Variants in PDE4A observed in about 807,000 individuals in gnomAD.
PDE4A encodes the protein phosphodiesterase 4A.
Under a neutral mutation model 73.9 loss-of-function variants are expected in PDE4A, and 21 were observed. The ratio of observed to expected loss-of-function variants is 0.28; its 90% CI spans 0.20 to 0.41. The LOEUF (loss-of-function observed/expected upper bound fraction) is 0.41. PDE4A is among the 10% of genes least tolerant of loss of function. The pLI, the probability that PDE4A is intolerant of heterozygous loss-of-function variation, is 1.00. For synonymous variants in PDE4A, 463 were observed against 505.4 expected (o/e 0.92, Z 1.13); for missense variants, 958 against 1,211.4 (o/e 0.79, Z 3.10).
chr19:10,461,436 G>A, intron 11 of PDE4A, 90 bp from the exon 12 acceptor site: 1 of 1,559,026 alleles, frequency 6.4e-7, no homozygotes, highest in Admixed American at 1.8e-5. Flanking sequence ...CCGGGCTGGG[G>A]AGGGGTTAGC....
chr19:10,421,692 T>A (rs946300889), intron 1 of PDE4A, among the ~76,000 whole-genome samples: 1 of 151,250 alleles, frequency 6.6e-6, no homozygotes, highest in Non-Finnish European at 1.5e-5. Flanking sequence ...AGGGCAAGAG[T>A]GTTAGCGTTA....
chr19:10,420,645 A>G lies in PDE4A; in HGVS notation c.-120A>G. ...CCCCCGGGTCTGTCCCCGGGGCGCC[A>G]TGGCCCTACCGCGGCCGGGCGCACC... On this transcript the variant is annotated 5_prime_UTR_variant, in exon 1 of 15. An upstream start codon of the reference 5' UTR is lost. Transcript: ENST00000380702. This position sits in a 1 kb window ranked among gnomAD's most constrained non-coding sequence, Gnocchi z 6.0. 5.9e-6 allele frequency: 8 copies of G among 1,356,518 alleles called. No homozygotes were observed. Among genetic ancestry groups the G allele is most frequent in the Non-Finnish European group, 7.5e-6 (8 of 1,062,404 alleles). 84.0% of individuals were successfully genotyped at this position (1,356,518 alleles called of 1,614,324 possible).
Position 10,453,139 on chromosome 19 carries a change from C to A in PDE4A, c.784-1690C>A. ...CCCAGCCCTGCTGGGCCGGCCCAGG[C>A]CCCTCCGCGGCTCCCCCTTCCACTA... is the stretch of plus-strand genomic sequence containing the variant. On this transcript the variant is annotated intron_variant, in intron 6 of 14. Coordinates refer to ENST00000380702, the MANE Select transcript of PDE4A (RefSeq NM_001111307.2). This position sits in a 1 kb window ranked among gnomAD's most constrained non-coding sequence, Gnocchi z 4.6. 1 of 1,424,230 alleles carries A rather than the reference C, an allele frequency of 7.0e-7. No individual in the cohort carries two copies. Among genetic ancestry groups the A allele is most frequent in the South Asian group, 1.5e-5 (1 of 66,712 alleles). The allele number at this position is 1,424,230 out of a possible 1,614,324, so 88.2% of individuals were successfully genotyped here. A position where few individuals can be genotyped will look rare whatever the true frequency, so the allele number is the denominator to read the frequency against.
At chr19:10,423,343 G>C (rs573365595) in intron 1 of PDE4A, among the ~76,000 whole-genome samples, 13 of 152,014 alleles carry the variant, frequency 8.6e-5, no homozygotes, top group South Asian at 4.2e-4. Context: ...ATTTTTAGTA[G>C]AGATGGGGTT....
chr19:10,429,271 GAAGGAAGGAAGA>G (rs2042757187), intron 1 of PDE4A, among the ~76,000 whole-genome samples: 3 of 122,808 alleles, frequency 2.4e-5, no homozygotes, highest in African/African-American at 1.0e-4. Context: ...AGGAAAGAAG[GAAGGAAGGAAGA>G]AAGAAAGAAA....
At chr19:10,418,968 G>T (rs974783112), upstream of PDE4A, 1 of 985,160 alleles carries the variant, frequency 1.0e-6, no homozygotes. Context: ...CTGCTGATGG[G>T]GGGGCCGGTT....
intron 13 of PDE4A, among the ~76,000 whole-genome samples, chr19:10,463,122 G>T (rs1281692893): frequency 1.3e-5 from 2 of 150,106 alleles, no homozygotes; most frequent in Non-Finnish European, 3.0e-5. Flanking sequence ...TTTGAGATCG[G>T]GTCTCTCTGT....
rs201070412 is a variant in PDE4A at position 10,449,137 on chromosome 19, G to A, written c.607G>A (p.Val203Ile). The stretch of plus-strand genomic sequence containing the variant: ...CTTCTCACTCCTGACCAATGTGCCC[G>A]TTCCCAGTAACAAGTAAGTGAAGGC... Reference protein sequence around the residue: ...SNFSLLTNVPVPSNKRSPLGG... With the variant: ...SNFSLLTNVPIPSNKRSPLGG... The change falls in exon 4 of 15, where the codon GTT becomes ATT. Residue 203 changes from valine to isoleucine, a missense_variant. This residue lies in a region of PDE4A where 570 missense variants were observed against 827.7 expected (regional missense o/e 0.69). Coordinates refer to ENST00000380702, the MANE Select transcript of PDE4A (RefSeq NM_001111307.2). 1.2e-4 allele frequency: 189 copies of A among 1,613,302 alleles called. No individual in the cohort carries two copies. The highest frequency in any genetic ancestry group is 1.5e-4 in the Non-Finnish European group (177 of 1,179,728).
chr19:10,435,983 C>T (rs2042860292), intron 1 of PDE4A, among the ~76,000 whole-genome samples: 1 of 152,170 alleles, frequency 6.6e-6, no homozygotes, highest in South Asian at 2.1e-4. Context: ...CAGGGAGTGT[C>T]CTCTTCCCAT....
In PDE4A at chr19:10,461,646, A is replaced by C. The variant is rs1404544737; in HGVS notation, c.1586A>C (p.Gln529Pro). Residue 529 changes from glutamine (Q) to proline (P), a missense_variant, in exon 12 of 15, where the codon CAG becomes CCG. Gln to Pro is a moderately conservative substitution (Grantham distance 76). Coordinates refer to ENST00000380702, the MANE Select transcript of PDE4A (RefSeq NM_001111307.2). ...ATCTTCCAGAACCTCAGCAAGCGCC[A>C]GCGGCAGAGCCTACGCAAGATGGTC... Reference protein sequence around the residue: ...CDIFQNLSKRQRQSLRKMVID... With the variant: ...CDIFQNLSKRPRQSLRKMVID... The C allele has an allele frequency of 6.8e-7, 1 of 1,480,602 alleles. No individual in the cohort carries two copies. The highest frequency in any genetic ancestry group is 9.1e-7 in the Non-Finnish European group (1 of 1,098,818). 91.7% of individuals were successfully genotyped at this position (1,480,602 alleles called of 1,614,324 possible). A position where few individuals can be genotyped will look rare whatever the true frequency, so the allele number is the denominator to read the frequency against.
intron 10 of PDE4A, 136 bp downstream of exon 10, chr19:10,459,895 T>G (rs1412451930): frequency 9.0e-7 from 1 of 1,114,372 alleles, no homozygotes; most frequent in East Asian, 2.6e-5. Flanking sequence ...TTTTTTTTCT[T>G]TTTGAGACGG....
Position 10,467,156 on chromosome 19 carries a change from G to A in PDE4A, c.2196G>A (p.Glu732=). Residue 732 remains glutamate, a synonymous_variant, in exon 15 of 15, where the codon GAG becomes GAA. Transcript: ENST00000380702. ...CCCAGATACCGTGCACAGCCCAAGA[G>A]GCATTGACTGCGCAGGGATTGTCAG... ...SMAQIPCTAQ[E]ALTAQGLSGV... The A allele has an allele frequency of 6.2e-7, 1 of 1,614,198 alleles. No homozygotes were observed. Among genetic ancestry groups the A allele is most frequent in the Non-Finnish European group, 8.5e-7 (1 of 1,180,032 alleles).
chr19:10,439,866 C>G (rs2042913168), intron 1 of PDE4A, among the ~76,000 whole-genome samples: 1 of 152,000 alleles, frequency 6.6e-6, no homozygotes, highest in Admixed American at 6.6e-5. Context: ...GCTCAGGACA[C>G]AGCTGTCCCC....
Position 10,467,729 on chromosome 19 carries a change from G to A in PDE4A, c.*108G>A. The stretch of plus-strand genomic sequence containing the variant: ...ACTCTTGTCCTCTTGTCCCTCCTGA[G>A]AAAAAAGAAAACGAAAAGTGGGGTT... On this transcript the variant is annotated 3_prime_UTR_variant, in exon 15 of 15. Transcript: ENST00000380702. 1.2e-6 allele frequency: 1 copy of A among 828,114 alleles called. No individual in the cohort carries two copies. The highest frequency in any genetic ancestry group is 1.8e-6 in the Non-Finnish European group (1 of 564,700). The allele number at this position is 828,114 out of a possible 1,614,324, so 51.3% of individuals were successfully genotyped here.
chr19:10,457,431 C>CGGGGGGGGGGGGGGGGG (rs372266239), intron 7 of PDE4A, among the ~76,000 whole-genome samples: 1 of 39,398 alleles, frequency 2.5e-5, no homozygotes, highest in African/African-American at 1.2e-4. Context: ...CCAAGGTGGG[C>CGGGGGGGGGGGGGGGGG]GGGGGGGGGG....
At chr19:10,427,325 T>C (rs1324641628) in intron 1 of PDE4A, 1 of 183,098 alleles carries the variant, frequency 5.5e-6, no homozygotes, top group African/African-American at 2.4e-5. Flanking sequence ...GGGAGGTTGC[T>C]ACATGGGTGT....
chr19:10,418,976 G>GT, upstream of PDE4A: 1 of 984,138 alleles, frequency 1.0e-6, no homozygotes, highest in Non-Finnish European at 1.2e-6. Flanking sequence ...GGGGGGGCCG[G>GT]TTTTTGCTCG....
chr19:10,420,358 G>C (rs1004602160), upstream of PDE4A: 1 of 979,600 alleles, frequency 1.0e-6, no homozygotes, highest in Non-Finnish European at 1.2e-6. The surrounding 1 kb of genome is among the most constrained non-coding windows in gnomAD (Gnocchi z 6.0). Flanking sequence ...CCGGAGCGGG[G>C]ATCTGCGTGG....
chr19:10,418,324 CT>C (rs1482162865), upstream of PDE4A, among the ~76,000 whole-genome samples: 7 of 152,300 alleles, frequency 4.6e-5, 1 homozygote, highest in Admixed American at 4.6e-4. Flanking sequence ...CACACAGCAC[CT>C]CCTGCTGATT....
Sources: gnomAD v4.1 joint callset for allele counts (sites outside exome capture counted in the v4.1 genomes callset) on GRCh38, gnomAD v4.1.1 for gene constraint, gnomAD v4.1.1 regional missense constraint, Gnocchi (gnomAD v3.1) non-coding constraint, MANE v1.5 for transcripts, NCBI Gene and HGNC (gene_info 2026-07-23, HGNC 2026-07-21) for gene names.